The following EPB41 variants were observed in gnomAD, a reference collection of about 807,000 sequenced individuals.
The protein encoded by EPB41 is erythrocyte membrane protein band 4.1.
Under a neutral mutation model 108.0 loss-of-function variants are expected in EPB41, and 65 were observed. The ratio of observed to expected loss-of-function variants is 0.60; its 90% CI spans 0.49 to 0.74. EPB41 has a LOEUF of 0.74. Among genes scored for constraint, EPB41 ranks in the 30% least tolerant of loss-of-function variants. The pLI, the probability that EPB41 is intolerant of heterozygous loss-of-function variation, is 0.00. For synonymous variants in EPB41, 336 were observed against 358.9 expected (o/e 0.94, Z 0.72); for missense variants, 875 against 1,037.0 (o/e 0.84, Z 2.15).
At chr1:28,938,482 T>G (rs978184818) in intron 1 of EPB41, among the ~76,000 whole-genome samples, 1 of 152,156 alleles carries the variant, frequency 6.6e-6, no homozygotes, top group Admixed American at 6.5e-5. Flanking sequence ...TTTTTTAAGT[T>G]ATAATTTTCA....
intron 2 of EPB41, among the ~76,000 whole-genome samples, chr1:28,992,901 A>ATTAATTTAAATTAATTAAT (rs2096063051): frequency 6.6e-6 from 1 of 152,220 alleles, no homozygotes; most frequent in Admixed American, 6.5e-5. Context: ...TTCTCTTAGA[A>ATTAATTTAAATTAATTAAT]TTAAAATTAA....
chr1:29,065,370 C>T (rs1647165723), intron 16 of EPB41: 1 of 734,492 alleles, frequency 1.4e-6, no homozygotes, highest in Non-Finnish European at 2.0e-6. Context: ...CTATTTGGAG[C>T]CACCAGTAGA....
chr1:29,115,836 C>G lies in EPB41; in HGVS notation c.*6+33C>G. ...GCGTTCCTGCTGGGGCTGAGGGTGC[C>G]CACAGTCCCAGCCTGAGAGGGCTCT... On this transcript the variant is annotated intron_variant, in intron 20 of 20. Transcript: ENST00000343067. This position sits in a 1 kb window ranked among gnomAD's most constrained non-coding sequence, Gnocchi z 4.4. 1 of 1,545,236 alleles carries G rather than the reference C, an allele frequency of 6.5e-7. No homozygotes were observed.
intron 16 of EPB41, chr1:29,069,032 G>A: frequency 1.3e-6 from 1 of 797,530 alleles, no homozygotes; most frequent in Non-Finnish European, 1.7e-6. Context: ...ATATAAATAT[G>A]TTTTCAGAGA....
intron 12 of EPB41, chr1:29,054,326 T>C (rs1558167655): frequency 6.6e-6 from 1 of 152,224 alleles, no homozygotes; most frequent in Non-Finnish European, 1.5e-5. Context: ...TAGCTCTTGC[T>C]GTTGGCAACA....
intron 11 of EPB41, among the ~76,000 whole-genome samples, chr1:29,042,126 T>C (rs1641767017): frequency 6.6e-6 from 1 of 152,216 alleles, no homozygotes; most frequent in African/African-American, 2.4e-5. Context: ...AGTTCCCTAC[T>C]AATTGAGCAA....
intron 12 of EPB41, among the ~76,000 whole-genome samples, chr1:29,055,468 A>G (rs1645195311): frequency 6.6e-6 from 1 of 152,050 alleles, no homozygotes; most frequent in Non-Finnish European, 1.5e-5. Flanking sequence ...AGAGATCACT[A>G]CCTGGTATAT....
intron 1 of EPB41, among the ~76,000 whole-genome samples, chr1:28,901,152 A>C (rs988933871): frequency 5.3e-5 from 8 of 151,940 alleles, no homozygotes; most frequent in Non-Finnish European, 1.0e-4. Context: ...GATAGTCTCG[A>C]TCTGCTGACC....
intron 4 of EPB41, among the ~76,000 whole-genome samples, chr1:29,008,102 CAT>C (rs1321278264): frequency 2.0e-5 from 3 of 152,112 alleles, no homozygotes; most frequent in Admixed American, 6.6e-5. Flanking sequence ...TCCTTTATAA[CAT>C]GTGTTCCTTT....
At chr1:29,042,442 A>G (rs1347008167) in intron 11 of EPB41, among the ~76,000 whole-genome samples, 1 of 152,104 alleles carries the variant, frequency 6.6e-6, no homozygotes, top group Non-Finnish European at 1.5e-5. Flanking sequence ...TTGTGCTTCC[A>G]TACTGTGAGT....
At chr1:29,059,699 G>A (rs1213905033) in intron 14 of EPB41, among the ~76,000 whole-genome samples, 7 of 152,022 alleles carry the variant, frequency 4.6e-5, no homozygotes, top group Admixed American at 1.3e-4. Flanking sequence ...GATCACTTGC[G>A]TCCAGGAGGT....
chr1:29,050,815 A>G (rs1644358824), intron 11 of EPB41, among the ~76,000 whole-genome samples: 1 of 151,884 alleles, frequency 6.6e-6, no homozygotes, highest in African/African-American at 2.4e-5. Context: ...AACTGGGACT[A>G]CAGACGCCCG....
chr1:29,039,415 G>T lies in EPB41; in HGVS notation c.1625G>T (p.Ser542Ile), dbSNP rs774976688. ...ACAGCAAGTAAACGGGCGTCCCGGAGCCTCGATGGAGGTTTGTATTGAATA... is the reference window on the plus strand; with the variant it reads ...ACAGCAAGTAAACGGGCGTCCCGGATCCTCGATGGAGGTTTGTATTGAATA... ...ERTASKRASR[S>I]LDGAAAVDSA... Residue 542 changes from serine to isoleucine, a missense_variant, in exon 11 of 21, where the codon AGC becomes ATC. This residue lies in a region of EPB41 where 519 missense variants were observed against 627.3 expected (regional missense o/e 0.83). Transcript: ENST00000343067. 1 of 1,614,012 alleles carries T rather than the reference G, an allele frequency of 6.2e-7. No individual in the cohort carries two copies. The highest frequency in any genetic ancestry group is 1.1e-5 in the South Asian group (1 of 91,072).
intron 11 of EPB41, among the ~76,000 whole-genome samples, chr1:29,044,876 TAC>T (rs1247680954): frequency 3.3e-5 from 5 of 151,900 alleles, no homozygotes; most frequent in Non-Finnish European, 4.4e-5. Context: ...TAAAATAAAA[TAC>T]CATTCTTTCC....
intron 1 of EPB41, among the ~76,000 whole-genome samples, chr1:28,927,042 T>C (rs1019896827): frequency 2.6e-5 from 4 of 152,236 alleles, no homozygotes; most frequent in African/African-American, 9.6e-5. Flanking sequence ...ATGTCTCCAT[T>C]GTTGCTTTTA....
intron 12 of EPB41, among the ~76,000 whole-genome samples, chr1:29,058,299 T>G (rs775285604): frequency 1.3e-5 from 2 of 152,210 alleles, no homozygotes; most frequent in Non-Finnish European, 1.5e-5. Flanking sequence ...TTTTTATAAA[T>G]AAGTATAAAA....
At chr1:29,030,574 TATA>T (rs2096775700) in intron 8 of EPB41, 87 bp downstream of exon 8, 1 of 1,038,750 alleles carries the variant, frequency 9.6e-7, no homozygotes, top group Non-Finnish European at 1.5e-6. Context: ...ATCTGTGTCA[TATA>T]ATACTTTTTA....
intron 10 of EPB41, among the ~76,000 whole-genome samples, chr1:29,037,233 C>T (rs1639828286): frequency 6.6e-6 from 1 of 152,100 alleles, no homozygotes; most frequent in African/African-American, 2.4e-5. Flanking sequence ...AGATGCCCAA[C>T]ATCACGCCTG....
At chr1:29,008,851 C>T (rs2985331) in intron 4 of EPB41, among the ~76,000 whole-genome samples, 136,886 of 152,258 alleles carry the variant, frequency 0.9, 61,789 homozygotes, top group African/African-American at 0.97. Context: ...TTTTATACTT[C>T]TGTGCCTTTC....
Sources: allele counts gnomAD v4.1 joint callset (sites outside exome capture counted in the v4.1 genomes callset), GRCh38; gene constraint gnomAD v4.1.1; regional missense constraint gnomAD v4.1.1; non-coding constraint Gnocchi (gnomAD v3.1); transcripts MANE v1.5; gene names NCBI Gene and HGNC (gene_info 2026-07-23, HGNC 2026-07-21).